The following MORC1 variants were observed in gnomAD, a reference collection of about 807,000 sequenced individuals.
The protein encoded by MORC1 is MORC family CW-type zinc finger protein 1.
Under a neutral mutation model 134.9 loss-of-function variants are expected in MORC1, and 59 were observed. That is an observed-to-expected ratio of 0.44 (90% CI 0.35 to 0.54). The LOEUF (loss-of-function observed/expected upper bound fraction) is 0.54, where lower values mean the gene tolerates loss of function less well. Ranked by LOEUF, MORC1 falls within the 20% of genes least tolerant of loss-of-function variation. The pLI, the probability that MORC1 is intolerant of heterozygous loss-of-function variation, is 0.00. For synonymous variants in MORC1, 395 were observed against 391.7 expected (o/e 1.01, Z -0.10); for missense variants, 947 against 1,134.5 (o/e 0.83, Z 2.37).
At chr3:109,022,703 G>A (rs533369275) in intron 17 of MORC1, among the ~76,000 whole-genome samples, 1 of 152,308 alleles carries the variant, frequency 6.6e-6, no homozygotes, top group South Asian at 2.1e-4. Flanking sequence ...AACCTATGTA[G>A]AGTCAACCAA....
intron 8 of MORC1, among the ~76,000 whole-genome samples, chr3:109,092,584 A>T (rs1950752929): frequency 6.6e-6 from 1 of 152,206 alleles, no homozygotes; most frequent in Admixed American, 6.5e-5. Context: ...AAAATACAAA[A>T]TATCATCAAT....
intron 26 of MORC1, among the ~76,000 whole-genome samples, chr3:108,965,512 T>C (rs1365842149): frequency 6.6e-6 from 1 of 152,024 alleles, no homozygotes; most frequent in Non-Finnish European, 1.5e-5. Flanking sequence ...AAGGCCTGAG[T>C]GGATATGACT....
intron 14 of MORC1, among the ~76,000 whole-genome samples, chr3:109,052,555 C>T (rs527767860): frequency 6.6e-6 from 1 of 152,288 alleles, no homozygotes; most frequent in African/African-American, 2.4e-5. Flanking sequence ...CCCTCAACCT[C>T]ATTTCCCCTT....
At chr3:109,089,349 A>G (rs190400081) in intron 8 of MORC1, among the ~76,000 whole-genome samples, 2 of 152,286 alleles carry the variant, frequency 1.3e-5, no homozygotes, top group Admixed American at 1.3e-4. Context: ...TAAGATCTCT[A>G]TGTAAGGAAT....
At chr3:109,035,595 AAG>A (rs1229962723) in intron 14 of MORC1, 127 bp from the exon 15 acceptor site, 2 of 515,114 alleles carry the variant, frequency 3.9e-6, no homozygotes, top group Non-Finnish European at 6.5e-6. Context: ...ATACAGAAAT[AAG>A]AGATTAAAAT....
At chr3:109,053,813 G>A (rs1020035078) in intron 14 of MORC1, among the ~76,000 whole-genome samples, 3 of 152,250 alleles carry the variant, frequency 2.0e-5, no homozygotes, top group African/African-American at 7.2e-5. Context: ...TTAATACACA[G>A]CACATAATCT....
intron 14 of MORC1, among the ~76,000 whole-genome samples, chr3:109,047,753 G>A (rs763763517): frequency 4.6e-5 from 7 of 152,154 alleles, no homozygotes; most frequent in Admixed American, 2.0e-4. Context: ...TTCTTTAGCA[G>A]TATAGAGTTC....
At chr3:108,972,197 T>C (rs370044392) in intron 24 of MORC1, among the ~76,000 whole-genome samples, 1 of 152,318 alleles carries the variant, frequency 6.6e-6, no homozygotes, top group East Asian at 1.9e-4. Flanking sequence ...TGTGACAGCT[T>C]TTCTAGGATT....
intron 17 of MORC1, among the ~76,000 whole-genome samples, chr3:109,008,123 C>T (rs1204296299): frequency 6.6e-6 from 1 of 152,096 alleles, no homozygotes; most frequent in African/African-American, 2.4e-5. Context: ...TCTTTTACAG[C>T]TGTATTATAT....
rs115773666 is a variant in MORC1, at chr3:108,959,056, T to C, written c.2864A>G (p.Asn955Ser). Reference protein sequence around the residue: ...TYLEALLKEDNLLFQNNLNKV... With the variant: ...TYLEALLKEDSLLFQNNLNKV... ...ATTTAAATTGTTCTGGAAGAGAAGA[T>C]TATCTTCTTTAAGCAAAGCTTCTAA... is the stretch of plus-strand genomic sequence containing the variant. Residue 955 changes from asparagine to serine, a missense_variant, in exon 28 of 28, where the codon AAT (asparagine) becomes AGT (serine). Transcript: ENST00000232603. 1.2e-4 allele frequency: 183 copies of C among 1,576,944 alleles called. 3 individuals are homozygous for C. In the East Asian group the frequency reaches 4.3e-3, roughly 37 times the overall value.
At position 109,007,934 on chromosome 3, in the gene MORC1, CAT is replaced by C. The variant is rs199775913; in HGVS notation, c.1705-845_1705-844del. The stretch of plus-strand genomic sequence containing the variant: ...TGTGTTTATATAGCATATATAAGCA[CAT>C]ATATATGTGTGTGTGTGTGTGTGTG... On this transcript the variant is annotated intron_variant, in intron 17 of 27. Transcript: ENST00000232603. Among the ~76,000 whole-genome samples the C allele has an allele frequency of 5.5e-4, 77 of 139,158 alleles. No individual in the cohort carries two copies. In the East Asian group the frequency reaches 0.013, roughly 24 times the overall value. The allele number at this position is 139,158 out of a possible 152,430, so 91.3% of individuals were successfully genotyped here. A position where few individuals can be genotyped will look rare whatever the true frequency, so the allele number is the denominator to read the frequency against.
chr3:109,115,637 T>C (rs557943255), intron 1 of MORC1, among the ~76,000 whole-genome samples: 4 of 152,164 alleles, frequency 2.6e-5, no homozygotes, highest in Non-Finnish European at 5.9e-5. Flanking sequence ...ATTCAATACA[T>C]AAACAATCCT....
At chr3:109,050,549 G>A (rs563713940) in intron 14 of MORC1, among the ~76,000 whole-genome samples, 1 of 152,122 alleles carries the variant, frequency 6.6e-6, no homozygotes, top group East Asian at 1.9e-4. Context: ...TCATCCTGGG[G>A]GTCAGATTTT....
Position 109,007,033 on chromosome 3 carries a change from T to C in MORC1, c.1763A>G (p.His588Arg). 2 of 1,611,032 alleles carry C rather than the reference T, an allele frequency of 1.2e-6. No homozygotes were observed. Among genetic ancestry groups the C allele is most frequent in the Non-Finnish European group, 8.5e-7 (1 of 1,178,190 alleles). The change falls in exon 18 of 28, where the codon CAT (histidine) becomes CGT (arginine). Residue 588 changes from histidine to arginine, a missense_variant. Transcript: ENST00000232603. ...AATCCTATATTAATTACTCACCTTA[T>C]GTGCTGAAGTTAGGCAGGTGGAAGT... ...TVTSTCLTSA[H>R]KENTKTQKIR...
chr3:109,062,850 A>G (rs951618781), intron 10 of MORC1, among the ~76,000 whole-genome samples: 4 of 152,144 alleles, frequency 2.6e-5, no homozygotes, highest in African/African-American at 7.2e-5. Context: ...TTGTCCTCCC[A>G]AAGTGCTTGA....
At chr3:109,068,830 A>G (rs1432575290) in intron 9 of MORC1, among the ~76,000 whole-genome samples, 1 of 152,208 alleles carries the variant, frequency 6.6e-6, no homozygotes, top group Non-Finnish European at 1.5e-5. Context: ...AAAAATGGAT[A>G]TTATAATATG....
chr3:108,958,546 A>G lies in MORC1; in HGVS notation c.*419T>C, dbSNP rs1946994966. On this transcript the variant is annotated 3_prime_UTR_variant, in exon 28 of 28. Transcript: ENST00000232603. ...GGGCATAATGTCTTTCTTTTTCAAT[A>G]TCTTCAAGAGGAGGTGATTCTGTAG... is the stretch of plus-strand genomic sequence containing the variant. 1 of 152,170 alleles carries G rather than the reference A, an allele frequency of 6.6e-6. No individual in the cohort carries two copies. Among genetic ancestry groups the G allele is most frequent in the Non-Finnish European group, 1.5e-5 (1 of 68,060 alleles). 9.4% of individuals were successfully genotyped at this position (152,170 alleles called of 1,614,324 possible).
At chr3:109,042,304 T>C (rs1380864680) in intron 14 of MORC1, among the ~76,000 whole-genome samples, 2 of 152,144 alleles carry the variant, frequency 1.3e-5, no homozygotes, top group East Asian at 1.9e-4. Context: ...AGAAGACATA[T>C]AAGTGGCCAA....
At chr3:108,965,197 T>C (rs1269007858) in intron 26 of MORC1, among the ~76,000 whole-genome samples, 1 of 151,976 alleles carries the variant, frequency 6.6e-6, no homozygotes, top group Non-Finnish European at 1.5e-5. Flanking sequence ...TGAATAACAG[T>C]CAGAAAACAC....
Sources: gnomAD v4.1 joint callset for allele counts (sites outside exome capture counted in the v4.1 genomes callset) on GRCh38, gnomAD v4.1.1 for gene constraint, MANE v1.5 for transcripts, NCBI Gene and HGNC (gene_info 2026-07-23, HGNC 2026-07-21) for gene names.